The following ZNF568 variants were observed in gnomAD, a reference collection of about 807,000 sequenced individuals.
ZNF568 encodes zinc finger protein 568.
Under a neutral mutation model 18.1 loss-of-function variants are expected in ZNF568, and 11 were observed. That is an observed-to-expected ratio of 0.61 (90% CI 0.38 to 1.00). The LOEUF (loss-of-function observed/expected upper bound fraction) is 1.00. ZNF568 is among the 50% of genes least tolerant of loss of function. The probability of loss-of-function intolerance (pLI) is 0.01; values close to 1 mark genes in which losing one functional copy is unlikely to be tolerated. For missense variants in ZNF568, 639 were observed against 768.2 expected, an observed-to-expected ratio of 0.83 and a Z score of 1.99; for synonymous variants, 213 against 246.6, an observed-to-expected ratio of 0.86 and a Z score of 1.28.
At chr19:36,992,329 C>T (rs567800607) in intron 4 of ZNF568, among the ~76,000 whole-genome samples, 5 of 151,868 alleles carry the variant, frequency 3.3e-5, no homozygotes, top group African/African-American at 1.2e-4. Flanking sequence ...TGGTGAAACC[C>T]CATCTCTACT....
downstream of ZNF568, among the ~76,000 whole-genome samples, chr19:36,983,436 G>A (rs544601276): frequency 2.6e-5 from 4 of 152,276 alleles, no homozygotes; most frequent in African/African-American, 4.8e-5. Flanking sequence ...TAAGGCAGTC[G>A]TGTTAATGTG....
intron 6 of ZNF568, among the ~76,000 whole-genome samples, chr19:36,948,658 A>ATTTTTTTTTTTTTTTTTTTGTTTTTTTT (rs2074005525): frequency 1.2e-5 from 1 of 83,576 alleles, no homozygotes; most frequent in Non-Finnish European, 2.2e-5. Flanking sequence ...TTTGTTGTTG[A>ATTTTTTTTTTTTTTTTTTTGTTTTTTTT]TTTTTTTTTT....
chr19:36,964,443 T>G (rs566523230), intron 6 of ZNF568, among the ~76,000 whole-genome samples: 2 of 152,340 alleles, frequency 1.3e-5, no homozygotes, highest in Admixed American at 6.5e-5. Flanking sequence ...AAGAAACAAG[T>G]ACTGGAGGCA....
chr19:36,960,513 T>C (rs1271842878), intron 6 of ZNF568, among the ~76,000 whole-genome samples: 1 of 152,130 alleles, frequency 6.6e-6, no homozygotes, highest in African/African-American at 2.4e-5. Flanking sequence ...TGTGTTTTCA[T>C]TTTCGGTTGT....
chr19:36,920,323 T>A (rs1261320957), intron 2 of ZNF568, among the ~76,000 whole-genome samples: 3 of 152,158 alleles, frequency 2.0e-5, no homozygotes, highest in Non-Finnish European at 4.4e-5. Context: ...TCAAAAAGTT[T>A]TAAAAAATTG....
chr19:36,931,951 C>T (rs556215618), intron 4 of ZNF568, among the ~76,000 whole-genome samples: 94 of 152,200 alleles, frequency 6.2e-4, no homozygotes, highest in Non-Finnish European at 1.2e-3. Context: ...ATGGATTTGC[C>T]TATTTTGGAC....
chr19:36,944,347 G>A (rs1048780698), intron 6 of ZNF568, among the ~76,000 whole-genome samples: 8 of 150,816 alleles, frequency 5.3e-5, no homozygotes, highest in African/African-American at 2.0e-4. Flanking sequence ...TTGGTGAGCC[G>A]AGATCATGCC....
At chr19:36,919,269 A>T (rs2073409180) in intron 2 of ZNF568, among the ~76,000 whole-genome samples, 1 of 152,002 alleles carries the variant, frequency 6.6e-6, no homozygotes, top group African/African-American at 2.4e-5. Flanking sequence ...CCTTGTTTTC[A>T]TGGAGTTTAT....
exon 5 of ZNF568, chr19:36,996,417 C>G (rs2074472248): frequency 1.3e-6 from 2 of 1,536,328 alleles, no homozygotes; most frequent in Non-Finnish European, 1.7e-6. Context: ...TCAGAGAAAT[C>G]AGATGCCAGG....
intron 6 of ZNF568, among the ~76,000 whole-genome samples, chr19:36,937,483 C>A (rs1313057217): frequency 6.6e-6 from 1 of 152,170 alleles, no homozygotes; most frequent in Non-Finnish European, 1.5e-5. Flanking sequence ...ATAATACCAA[C>A]CTTCCCTAAT....
chr19:36,924,638 G>A (rs1181718507), intron 3 of ZNF568, among the ~76,000 whole-genome samples: 4 of 150,580 alleles, frequency 2.7e-5, no homozygotes, highest in African/African-American at 9.7e-5. Context: ...AAACCAGCCT[G>A]GCCAACATGG....
At chr19:36,937,388 G>A in intron 6 of ZNF568, 146 bp downstream of exon 6, 2 of 575,410 alleles carry the variant, frequency 3.5e-6, no homozygotes, top group Non-Finnish European at 5.9e-6. Context: ...TTAGATTACT[G>A]TGACATTTCT....
At chr19:36,979,446 A>G (rs2074313528) in exon 8 of ZNF568, 1 of 152,248 alleles carries the variant, frequency 6.6e-6, no homozygotes, top group African/African-American at 2.4e-5. Context: ...TTTAGCTGTC[A>G]GAGGTATCTG....
intron 6 of ZNF568, among the ~76,000 whole-genome samples, chr19:36,943,925 A>G: frequency 6.6e-6 from 1 of 152,062 alleles, no homozygotes; most frequent in Non-Finnish European, 1.5e-5. Flanking sequence ...TCTTTAGTTA[A>G]TCTTGTAAGT....
rs1396345780 is a variant in ZNF568 at position 36,922,799 on chromosome 19, A to G, written c.29A>G (p.Asn10Ser). Residue 10 changes from asparagine (N) to serine (S), a missense_variant, in exon 3 of 7, where the codon AAT (asparagine) becomes AGT (serine). By Grantham distance (46) the Asn-to-Ser change is conservative. Transcript: ENST00000333987. ...ACATCTCAATCTTCAGTGATCAGCA[A>G]TAGCTGTGTGACAATGGAGCGTTTG... Reference protein sequence around the residue: MTSQSSVISNSCVTMERLSH... With the variant: MTSQSSVISSSCVTMERLSH... The G allele has an allele frequency of 3.1e-6, 5 of 1,614,014 alleles. No individual in the cohort carries two copies. Among genetic ancestry groups the G allele is most frequent in the African/African-American group, 1.3e-5 (1 of 74,936 alleles).
chr19:36,942,583 G>A lies in ZNF568; in HGVS notation c.358+5341G>A, dbSNP rs1244009939. On this transcript the variant is annotated intron_variant, in intron 6 of 6. Coordinates refer to ENST00000333987, the MANE Select transcript of ZNF568 (RefSeq NM_198539.4). ...CACTGCACTCCAGCCTGGGTGACAG[G>A]ACCAGACTCCGTCTCAAAAAAAAAA... 5.8e-5 allele frequency among the ~76,000 whole-genome samples: 7 copies of A among 119,752 alleles called. No individual in the cohort carries two copies. The Admixed American group carries it at 7.4e-4, about 13-fold the overall frequency. 78.6% of individuals were successfully genotyped at this position (119,752 alleles called of 152,430 possible).
At chr19:36,962,120 TG>T (rs1252924186) in intron 6 of ZNF568, among the ~76,000 whole-genome samples, 3 of 102,604 alleles carry the variant, frequency 2.9e-5, no homozygotes, top group Non-Finnish European at 4.1e-5. Flanking sequence ...TGTTGTTTTA[TG>T]TTTTTTTTTT....
intron 6 of ZNF568, among the ~76,000 whole-genome samples, chr19:36,964,638 C>G (rs1251598129): frequency 6.6e-6 from 1 of 151,998 alleles, no homozygotes; most frequent in African/African-American, 2.4e-5. Flanking sequence ...CATAGTGAGA[C>G]CCTGTGTCTA....
chr19:36,953,809 G>A (rs1418248228), downstream of ZNF568, among the ~76,000 whole-genome samples: 1 of 152,186 alleles, frequency 6.6e-6, no homozygotes, highest in East Asian at 1.9e-4. Context: ...TACTCAGAAG[G>A]CTGAGGCAGG....
Sources: gnomAD v4.1 joint callset for allele counts (sites outside exome capture counted in the v4.1 genomes callset) on GRCh38, gnomAD v4.1.1 for gene constraint, MANE v1.5 for transcripts, NCBI Gene and HGNC (gene_info 2026-07-23, HGNC 2026-07-21) for gene names.